The following PLAG1 variants were observed in gnomAD, a reference collection of about 807,000 sequenced individuals.
PLAG1 encodes the protein zinc finger protein PLAG1.
Under a neutral mutation model 35.5 loss-of-function variants are expected in PLAG1, and 7 were observed. That is an observed-to-expected ratio of 0.20 (90% confidence interval 0.11 to 0.37). The LOEUF (loss-of-function observed/expected upper bound fraction) is 0.37, where lower values mean the gene tolerates loss of function less well. Ranked by LOEUF, PLAG1 falls within the 10% of genes least tolerant of loss-of-function variation. The probability of loss-of-function intolerance (pLI) is 1.00; values close to 1 mark genes in which losing one functional copy is unlikely to be tolerated. For missense variants in PLAG1, 454 were observed against 602.8 expected (o/e 0.75, Z 2.58); for synonymous variants, 229 against 225.4 (o/e 1.02, Z -0.14).
chr8:56,198,939 T>G (rs1812464389), intron 1 of PLAG1, among the ~76,000 whole-genome samples: 1 of 152,100 alleles, frequency 6.6e-6, no homozygotes, highest in African/African-American at 2.4e-5. Context: ...GTAAAATTTG[T>G]GGAATGAATA....
chr8:56,202,215 C>T (rs1049430571), intron 1 of PLAG1, among the ~76,000 whole-genome samples: 4 of 152,158 alleles, frequency 2.6e-5, no homozygotes, highest in African/African-American at 7.2e-5. Flanking sequence ...AACTGTGCAA[C>T]TTGAAAAAGA....
intron 2 of PLAG1, among the ~76,000 whole-genome samples, chr8:56,176,400 C>T (rs1811696779): frequency 9.4e-6 from 1 of 106,892 alleles, no homozygotes; most frequent in Non-Finnish European, 1.7e-5. Context: ...TTCATTTCAA[C>T]TGCTATTTGG....
At chr8:56,180,113 A>T (rs1811820903) in intron 1 of PLAG1, among the ~76,000 whole-genome samples, 2 of 152,254 alleles carry the variant, frequency 1.3e-5, no homozygotes, top group Non-Finnish European at 2.9e-5. Flanking sequence ...ATACAAAGAA[A>T]ATGCAAAATG....
intron 1 of PLAG1, among the ~76,000 whole-genome samples, chr8:56,187,903 C>T (rs907156777): frequency 2.0e-5 from 3 of 152,104 alleles, no homozygotes; most frequent in Admixed American, 1.3e-4. Flanking sequence ...AAAACTGATC[C>T]ACCGGAAGCC....
chr8:56,176,778 T>C (rs1472623589), intron 2 of PLAG1, among the ~76,000 whole-genome samples: 1 of 152,088 alleles, frequency 6.6e-6, no homozygotes, highest in African/African-American at 2.4e-5. Flanking sequence ...CAAATTGTGG[T>C]AAGTTATTGA....
Position 56,161,250 on chromosome 8 carries a change from A to G in PLAG1, c.*4993T>C, listed in dbSNP as rs75301082. 5.8e-3 allele frequency: 1,183 copies of G among 202,528 alleles called. 10 individuals are homozygous for G. The highest frequency in any genetic ancestry group is 0.017 in the Admixed American group (282 of 16,666). 12.5% of individuals were successfully genotyped at this position (202,528 alleles called of 1,614,324 possible). On this transcript the variant is annotated 3_prime_UTR_variant, in exon 5 of 5. Transcript: ENST00000316981. Reference sequence around the variant, plus strand: ...ACATGATAAGCCACTTGATTTCCCAATATTACAGAATAGCAATTTTAAATG... The same window carrying G: ...ACATGATAAGCCACTTGATTTCCCAGTATTACAGAATAGCAATTTTAAATG...
intron 3 of PLAG1, among the ~76,000 whole-genome samples, chr8:56,170,318 G>T (rs1811490144): frequency 6.6e-6 from 1 of 152,116 alleles, no homozygotes. Flanking sequence ...TTTTGTTTTA[G>T]ATTTTCTGGA....
At chr8:56,178,956 C>T (rs957981058) in intron 2 of PLAG1, among the ~76,000 whole-genome samples, 1 of 147,412 alleles carries the variant, frequency 6.8e-6, no homozygotes, top group African/African-American at 2.5e-5. Context: ...GCATCTGCCC[C>T]ATCCCTGTGA....
Position 56,167,424 on chromosome 8 carries a change from T to G in PLAG1, c.322A>C (p.Lys108Gln), listed in dbSNP as rs1811394012. The change falls in exon 5 of 5, where the codon AAG (lysine) becomes CAG (glutamine). Residue 108 changes from lysine to glutamine, a missense_variant. Transcript: ENST00000316981. This position sits in a 1 kb window ranked among gnomAD's most constrained non-coding sequence, Gnocchi z 5.9. ...EKMFHRKDHL[K>Q]NHLHTHDPNK... Reference sequence around the variant, plus strand: ...GGGTCGTGTGTATGGAGGTGATTCTTCAGATGATCTTTCCGGTGAAACATT... The same window carrying G: ...GGGTCGTGTGTATGGAGGTGATTCTGCAGATGATCTTTCCGGTGAAACATT... The G allele has an allele frequency of 2.5e-6, 4 of 1,613,414 alleles. No individual in the cohort carries two copies. The highest frequency in any genetic ancestry group is 3.4e-6 in the Non-Finnish European group (4 of 1,179,522).
chr8:56,181,822 C>T (rs1247048873), intron 1 of PLAG1, among the ~76,000 whole-genome samples: 1 of 151,946 alleles, frequency 6.6e-6, no homozygotes, highest in East Asian at 1.9e-4. Flanking sequence ...CATTTAAAAA[C>T]AATATTATAT....
intron 1 of PLAG1, among the ~76,000 whole-genome samples, chr8:56,205,303 C>T (rs1173955707): frequency 6.6e-6 from 1 of 151,670 alleles, no homozygotes; most frequent in African/African-American, 2.4e-5. Context: ...AAACAATCTT[C>T]AAAATATTTT....
chr8:56,186,639 T>C (rs1234962615), intron 1 of PLAG1, among the ~76,000 whole-genome samples: 1 of 151,746 alleles, frequency 6.6e-6, no homozygotes, highest in Admixed American at 6.6e-5. Flanking sequence ...TCTTAAAGTG[T>C]TGGGATTATA....
intron 1 of PLAG1, among the ~76,000 whole-genome samples, chr8:56,197,606 C>T (rs1812419510): frequency 6.6e-6 from 1 of 152,214 alleles, no homozygotes; most frequent in East Asian, 1.9e-4. Context: ...ACATAATTTA[C>T]ACATACCTGC....
Position 56,167,201 on chromosome 8 carries a change from T to A in PLAG1, c.545A>T (p.Glu182Val). 1 of 1,614,066 alleles carries A rather than the reference T, an allele frequency of 6.2e-7. No individual in the cohort carries two copies. Among genetic ancestry groups the A allele is most frequent in the Non-Finnish European group, 8.5e-7 (1 of 1,180,010 alleles). Residue 182 changes from glutamate to valine, a missense_variant, in exon 5 of 5, where the codon GAA (glutamate) becomes GTA (valine). Physicochemically the swap from Glu to Val is moderately radical, Grantham distance 121 (BLOSUM62 -2). Coordinates refer to ENST00000316981, the MANE Select transcript of PLAG1 (RefSeq NM_002655.3). The surrounding 1 kb of genome is among the most constrained non-coding windows in gnomAD (Gnocchi z 5.9). ...HAGKSSGGVK[E>V]KKHQCEHCDR... Reference sequence around the variant, plus strand: ...ACAATGTTCGCACTGGTGCTTTTTTTCTTTAACCCCACCAGACGACTTGCC... The same window carrying A: ...ACAATGTTCGCACTGGTGCTTTTTTACTTTAACCCCACCAGACGACTTGCC...
intron 2 of PLAG1, chr8:56,177,877 TG>T: frequency 6.2e-6 from 1 of 160,702 alleles, no homozygotes; most frequent in Non-Finnish European, 1.3e-5. Context: ...CACCGCCACC[TG>T]GGAGTCCGTA....
At chr8:56,185,787 T>C (rs1202228219) in intron 1 of PLAG1, among the ~76,000 whole-genome samples, 2 of 152,218 alleles carry the variant, frequency 1.3e-5, no homozygotes, top group Admixed American at 6.5e-5. Flanking sequence ...GGATGATAAA[T>C]AGTTCTGGGA....
At chr8:56,169,369 T>C (rs897086214) in intron 3 of PLAG1, among the ~76,000 whole-genome samples, 2 of 152,166 alleles carry the variant, frequency 1.3e-5, no homozygotes, top group South Asian at 2.1e-4. Flanking sequence ...GAAATGTACA[T>C]ATTGTACAGC....
chr8:56,203,937 G>A (rs1192887860), intron 1 of PLAG1, among the ~76,000 whole-genome samples: 2 of 151,932 alleles, frequency 1.3e-5, no homozygotes, highest in Non-Finnish European at 2.9e-5. Context: ...AAAGGTGCAA[G>A]GAAAACAAAT....
rs952488128 is a variant in PLAG1, at chr8:56,161,287, T to A, written c.*4956A>T. The A allele has an allele frequency of 9.7e-6, 2 of 207,156 alleles. No individual in the cohort carries two copies. Among genetic ancestry groups the A allele is most frequent in the Non-Finnish European group, 2.0e-5 (2 of 101,410 alleles). The allele number at this position is 207,156 out of a possible 1,614,324, so 12.8% of individuals were successfully genotyped here. On this transcript the variant is annotated 3_prime_UTR_variant, in exon 5 of 5. Transcript: ENST00000316981. ...AGCAATTTTAAATGCAATAAAAATA[T>A]ACAAAATTCGGCCTGGAATGCAGAT...
Sources: gnomAD v4.1 joint callset for allele counts (sites outside exome capture counted in the v4.1 genomes callset) on GRCh38, gnomAD v4.1.1 for gene constraint, Gnocchi (gnomAD v3.1) non-coding constraint, MANE v1.5 for transcripts, NCBI Gene and HGNC (gene_info 2026-07-23, HGNC 2026-07-21) for gene names.